The following ZNF454 variants were observed in gnomAD, a reference collection of about 807,000 sequenced individuals.
ZNF454 encodes the protein zinc finger protein 454.
In ZNF454, 30 loss-of-function variants were observed where a neutral mutation model predicts 48.2. The ratio of observed to expected loss-of-function variants is 0.62; its 90% CI spans 0.47 to 0.84. The LOEUF is 0.84. Ranked by LOEUF, ZNF454 falls within the 40% of genes least tolerant of loss-of-function variation. ZNF454 has a pLI of 0.00. For missense variants in ZNF454, 510 were observed against 623.1 expected, an observed-to-expected ratio of 0.82 and a Z score of 1.93; for synonymous variants, 204 against 211.4, an observed-to-expected ratio of 0.97 and a Z score of 0.30.
At chr5:178,986,654 C>T in the ZNF454 span, 27 of 1,602,480 alleles carry the variant, frequency 1.7e-5, no homozygotes, top group Admixed American at 5.0e-5. Flanking sequence ...CAGCAGGGGA[C>T]GCCCTTCACC....
chr5:178,987,047 G>T, the ZNF454 span: 19 of 1,538,514 alleles, frequency 1.2e-5, no homozygotes, highest in Middle Eastern at 1.7e-4. Context: ...TCCTGGGGAG[G>T]CCCCAGGGAC....
intron 4 of ZNF454, among the ~76,000 whole-genome samples, chr5:178,953,565 G>A (rs1381064087): frequency 2.0e-5 from 3 of 152,160 alleles, no homozygotes; most frequent in Admixed American, 6.5e-5. Context: ...TTCGTGGTTT[G>A]CTCTCTCCTT....
At chr5:178,986,924 T>C in the ZNF454 span, 2 of 1,614,154 alleles carry the variant, frequency 1.2e-6, no homozygotes, top group East Asian at 2.2e-5. Flanking sequence ...TACTGGAAGA[T>C]GTCGTACCGC....
the ZNF454 span, chr5:178,983,302 C>A: frequency 8.0e-7 from 1 of 1,244,966 alleles, no homozygotes; most frequent in Non-Finnish European, 1.2e-6. Flanking sequence ...CCCTGCGGGT[C>A]AGGATCCCCT....
chr5:178,947,834 C>G (rs928958942), intron 4 of ZNF454, among the ~76,000 whole-genome samples: 1 of 152,056 alleles, frequency 6.6e-6, no homozygotes, highest in Non-Finnish European at 1.5e-5. Context: ...ATGCAGTAGG[C>G]GGGAATTTAT....
chr5:178,957,769 A>G (rs1759836695), intron 4 of ZNF454, among the ~76,000 whole-genome samples: 1 of 152,200 alleles, frequency 6.6e-6, no homozygotes, highest in South Asian at 2.1e-4. Context: ...CAGTGCCAGT[A>G]AGACCAGTCT....
At chr5:178,985,710 A>AAC in the ZNF454 span, 1 of 417,748 alleles carries the variant, frequency 2.4e-6, no homozygotes, top group Non-Finnish European at 4.7e-6. Context: ...CTAAAAAAAA[A>AAC]AAAACAAAAC....
At chr5:178,968,782 A>G (rs750581338), downstream of ZNF454, 1 of 456,724 alleles carries the variant, frequency 2.2e-6, no homozygotes, top group South Asian at 1.5e-5. Context: ...GGTTTTGTCT[A>G]TCTGTAATGA....
rs773117070 is a variant in ZNF454 at position 178,964,952 on chromosome 5, G to T, written c.548G>T (p.Cys183Phe). 1 of 1,614,240 alleles carries T rather than the reference G, an allele frequency of 6.2e-7. No individual in the cohort carries two copies. The highest frequency in any genetic ancestry group is 1.1e-5 in the South Asian group (1 of 91,086). The change falls in exon 5 of 5, where the codon TGT (cysteine) becomes TTT (phenylalanine). Residue 183 changes from cysteine to phenylalanine, a missense_variant. By Grantham distance (205) the Cys-to-Phe change is radical (BLOSUM62 -2). Coordinates refer to ENST00000519564, the MANE Select transcript of ZNF454 (RefSeq NM_001178089.3). ...AAAAATGCCTTTGAGTGTAGTGAGT[G>T]TGGAAAAGTCTTCTCTAAGAGTTCA... ...PSKNAFECSE[C>F]GKVFSKSSTL...
the ZNF454 span, among the ~76,000 whole-genome samples, chr5:178,982,150 A>G: frequency 3.3e-5 from 5 of 152,208 alleles, no homozygotes; most frequent in African/African-American, 7.2e-5. Context: ...ATACATACAA[A>G]TGAATAAATG....
intron 4 of ZNF454, among the ~76,000 whole-genome samples, chr5:178,954,731 C>T (rs1759683223): frequency 6.6e-6 from 1 of 152,202 alleles, no homozygotes; most frequent in South Asian, 2.1e-4. Flanking sequence ...TTCCCCTGCC[C>T]ACAGGGCCTG....
At chr5:178,969,865 TACCGA>T (rs931607145), downstream of ZNF454, among the ~76,000 whole-genome samples, 11 of 152,148 alleles carry the variant, frequency 7.2e-5, no homozygotes, top group Admixed American at 5.9e-4. Flanking sequence ...GCCTCCTTGT[TACCGA>T]AAAAAAACAG....
rs1292637821 is a variant in ZNF454 at position 178,941,565 on chromosome 5, G to A, written c.-108+121G>A. On this transcript the variant is annotated intron_variant, in intron 1 of 4. Transcript: ENST00000519564. The surrounding 1 kb of genome is among the most constrained non-coding windows in gnomAD (Gnocchi z 5.5). Reference sequence around the variant, plus strand: ...GCCAGGGCCTCTGGCATGTGTCTTGGAGCGGACTCCGAGAAGCCCAGGGTT... The same window carrying A: ...GCCAGGGCCTCTGGCATGTGTCTTGAAGCGGACTCCGAGAAGCCCAGGGTT... The A allele has an allele frequency of 1.1e-5, 5 of 448,688 alleles. No individual in the cohort carries two copies. Among genetic ancestry groups the A allele is most frequent in the Middle Eastern group, 3.3e-4 (1 of 3,034 alleles). 27.8% of individuals were successfully genotyped at this position (448,688 alleles called of 1,614,324 possible). A position where few individuals can be genotyped will look rare whatever the true frequency, so the allele number is the denominator to read the frequency against.
the ZNF454 span, chr5:178,985,850 C>A: frequency 1.8e-6 from 1 of 544,182 alleles, no homozygotes; most frequent in Non-Finnish European, 3.4e-6. Context: ...CAACCTTCAA[C>A]TCTTGGGCTC....
the ZNF454 span, chr5:178,983,298 G>A: frequency 2.4e-5 from 31 of 1,282,300 alleles, no homozygotes; most frequent in Admixed American, 1.0e-4. Flanking sequence ...AGGCCCCTGC[G>A]GGTCAGGATC....
intron 4 of ZNF454, among the ~76,000 whole-genome samples, chr5:178,951,021 G>A (rs1015769235): frequency 6.6e-5 from 10 of 151,894 alleles, no homozygotes; most frequent in East Asian, 3.9e-4. Context: ...CACCACGCCC[G>A]GCTAATTTTT....
At chr5:178,956,720 T>C (rs1233691710) in intron 4 of ZNF454, among the ~76,000 whole-genome samples, 1 of 149,674 alleles carries the variant, frequency 6.7e-6, no homozygotes, top group Admixed American at 6.7e-5. Flanking sequence ...TATTTATTTA[T>C]TTTGAGACGG....
chr5:178,968,538 A>T (rs188652214), downstream of ZNF454, among the ~76,000 whole-genome samples: 295 of 152,300 alleles, frequency 1.9e-3, 1 homozygote, highest in Admixed American at 4.1e-3. Flanking sequence ...ATTAAGCTGC[A>T]TGTGAAGCAG....
At chr5:178,984,584 C>T in the ZNF454 span, among the ~76,000 whole-genome samples, 36 of 152,156 alleles carry the variant, frequency 2.4e-4, no homozygotes, top group African/African-American at 6.3e-4. Context: ...GGGTCCCCAA[C>T]GGGGTCTAAG....
Sources: gnomAD v4.1 joint callset for allele counts (sites outside exome capture counted in the v4.1 genomes callset) on GRCh38, gnomAD v4.1.1 for gene constraint, Gnocchi (gnomAD v3.1) non-coding constraint, MANE v1.5 for transcripts, NCBI Gene and HGNC (gene_info 2026-07-23, HGNC 2026-07-21) for gene names.